Variants in PPM1B observed in about 807,000 individuals in gnomAD.
PPM1B encodes protein phosphatase 1B.
In PPM1B, 22 loss-of-function variants were observed where a neutral mutation model predicts 43.0. The ratio of observed to expected loss-of-function variants is 0.51; its 90% confidence interval spans 0.37 to 0.73. The LOEUF is 0.73. Ranked by LOEUF, PPM1B falls within the 30% of genes least tolerant of loss-of-function variation. PPM1B has a pLI of 0.00. For synonymous variants in PPM1B, 217 were observed against 197.9 expected, an observed-to-expected ratio of 1.10 and a Z score of -0.81; for missense variants, 632 against 584.2, an observed-to-expected ratio of 1.08 and a Z score of -0.84.
At chr2:44,245,859 GCTTC>G (rs1440120316), downstream of PPM1B, among the ~76,000 whole-genome samples, 2 of 152,326 alleles carry the variant, frequency 1.3e-5, no homozygotes, top group African/African-American at 4.8e-5. Flanking sequence ...GAAACCTTGA[GCTTC>G]CTTCCTTCAG....
At chr2:44,244,640 C>T (rs1004807131), downstream of PPM1B, among the ~76,000 whole-genome samples, 3 of 151,882 alleles carry the variant, frequency 2.0e-5, no homozygotes, top group East Asian at 3.9e-4. Flanking sequence ...GACCGTCTTC[C>T]GACTGGTTTT....
intron 1 of PPM1B, among the ~76,000 whole-genome samples, chr2:44,181,544 TGATGCTAAAATTAG>T (rs1375201434): frequency 1.3e-4 from 20 of 152,196 alleles, no homozygotes; most frequent in African/African-American, 4.8e-4. Flanking sequence ...CATTATGTGA[TGATGCTAAAATTAG>T]GATGGTAGGG....
Position 44,177,380 on chromosome 2 carries a change from C to CTGGAG in PPM1B, c.-15+8109_-15+8113dup, listed in dbSNP as rs369271041. 3.7e-3 allele frequency among the ~76,000 whole-genome samples: 534 copies of CTGGAG among 145,638 alleles called. 2 individuals carry two copies. Among genetic ancestry groups the CTGGAG allele is most frequent in the African/African-American group, 0.013 (515 of 39,182 alleles). On this transcript the variant is annotated intron_variant, in intron 1 of 5. Coordinates refer to ENST00000282412, the MANE Select transcript of PPM1B (RefSeq NM_002706.6). ...TTGAGTTTGTTTCTATTCATCTGTTCTGGAGTGTTTGGAATTGCAATGTGA... is the reference window on the plus strand; with the variant it reads ...TTGAGTTTGTTTCTATTCATCTGTTCTGGAGTGGAGTGTTTGGAATTGCAATGTGA...
At chr2:44,230,047 G>T (rs1469302444) in intron 5 of PPM1B, 1 of 1,572,172 alleles carries the variant, frequency 6.4e-7, no homozygotes. Flanking sequence ...TTTTCCTACT[G>T]CTTTAAACAT....
intron 1 of PPM1B, among the ~76,000 whole-genome samples, chr2:44,171,699 G>A (rs1572673774): frequency 1.3e-5 from 2 of 151,914 alleles, no homozygotes; most frequent in South Asian, 2.1e-4. Context: ...GTGCGGTGGC[G>A]CGTGCTTGTA....
At chr2:44,220,155 G>T (rs1669907553) in intron 5 of PPM1B, among the ~76,000 whole-genome samples, 1 of 151,862 alleles carries the variant, frequency 6.6e-6, no homozygotes, top group South Asian at 2.1e-4. Flanking sequence ...TTGATTAGAG[G>T]AAATAAGCCC....
At chr2:44,195,401 A>G (rs1006557868) in intron 1 of PPM1B, among the ~76,000 whole-genome samples, 5 of 151,848 alleles carry the variant, frequency 3.3e-5, no homozygotes, top group Admixed American at 6.6e-5. Flanking sequence ...TGGTAGAGAT[A>G]GGGTCTTGCT....
Position 44,170,423 on chromosome 2 carries a change from A to G in PPM1B, c.-15+1149A>G, listed in dbSNP as rs112239389. On this transcript the variant is annotated intron_variant, in intron 1 of 5. Coordinates refer to ENST00000282412, the MANE Select transcript of PPM1B (RefSeq NM_002706.6). ...TTAGTGTTATGTAGCTATTTTAGGA[A>G]AAACATTCTTTTTCTGTTAACAAAC... 1.8e-3 allele frequency among the ~76,000 whole-genome samples: 271 copies of G among 152,358 alleles called. 1 individual carries two copies. Among genetic ancestry groups the G allele is most frequent in the African/African-American group, 6.1e-3 (255 of 41,582 alleles).
At chr2:44,215,047 A>T (rs1669658760) in intron 3 of PPM1B, among the ~76,000 whole-genome samples, 1 of 152,210 alleles carries the variant, frequency 6.6e-6, no homozygotes, top group East Asian at 1.9e-4. Context: ...CATAGTTAGT[A>T]ACTTTCTAAA....
intron 1 of PPM1B, among the ~76,000 whole-genome samples, chr2:44,170,987 T>A (rs952001122): frequency 6.6e-6 from 1 of 152,200 alleles, no homozygotes; most frequent in African/African-American, 2.4e-5. Flanking sequence ...TTTCGCCTCT[T>A]CATTTGTTTT....
intron 1 of PPM1B, among the ~76,000 whole-genome samples, chr2:44,196,933 A>AT (rs1421331836): frequency 6.6e-6 from 1 of 152,068 alleles, no homozygotes; most frequent in African/African-American, 2.4e-5. Flanking sequence ...AGGTGGAGAG[A>AT]TTTTCCATAG....
In PPM1B at chr2:44,240,579, A is replaced by T. The variant is rs371373974; in HGVS notation, n.1547-3649A>T. Among the ~76,000 whole-genome samples, 594 of 87,360 alleles carry T rather than the reference A, an allele frequency of 6.8e-3. 38 individuals are homozygous for T. The highest frequency in any genetic ancestry group is 0.027 in the African/African-American group (407 of 14,980). The allele number at this position is 87,360 out of a possible 152,430, so 57.3% of individuals were successfully genotyped here. On this transcript the variant is annotated intron_variant and non_coding_transcript_variant, in intron 5 of 5. Coordinates refer to the PPM1B transcript ENST00000378540. ...TGTTGCATTAAAATATCTAAAATTT[A>T]AAAAAAAATTTATCTTGATTACTTG...
At chr2:44,216,476 C>T (rs1425092554) in intron 3 of PPM1B, among the ~76,000 whole-genome samples, 2 of 152,096 alleles carry the variant, frequency 1.3e-5, no homozygotes, top group East Asian at 1.9e-4. Context: ...AGCTTGCAGT[C>T]TATGACCCAA....
chr2:44,175,699 G>C (rs909789906), intron 1 of PPM1B, among the ~76,000 whole-genome samples: 1 of 152,020 alleles, frequency 6.6e-6, no homozygotes. Flanking sequence ...AGGAAAGGAA[G>C]AGGTTTTCTG....
downstream of PPM1B, among the ~76,000 whole-genome samples, chr2:44,238,710 GA>G (rs200252877): frequency 1.1e-3 from 160 of 139,374 alleles, no homozygotes; most frequent in East Asian, 8.9e-3. Flanking sequence ...TCAAAAAAAG[GA>G]AAAAAAAAAA....
chr2:44,243,226 C>T (rs1670788653), intron 5 of PPM1B, among the ~76,000 whole-genome samples: 3 of 152,158 alleles, frequency 2.0e-5, no homozygotes, highest in South Asian at 4.2e-4. Context: ...TATAAGAGAG[C>T]TCTCCTTGGT....
At chr2:44,195,830 A>G (rs1181349543) in intron 1 of PPM1B, among the ~76,000 whole-genome samples, 7 of 152,318 alleles carry the variant, frequency 4.6e-5, no homozygotes, top group Non-Finnish European at 1.0e-4. Context: ...GGGTCAGAAA[A>G]TACCATGTAG....
intron 2 of PPM1B, among the ~76,000 whole-genome samples, chr2:44,202,979 A>C (rs979278601): frequency 2.0e-5 from 3 of 152,184 alleles, no homozygotes; most frequent in African/African-American, 7.2e-5. Flanking sequence ...CTTTAGTTAC[A>C]TGAAATAAAT....
intron 2 of PPM1B, among the ~76,000 whole-genome samples, chr2:44,205,525 C>G (rs1669149669): frequency 6.6e-6 from 1 of 152,068 alleles, no homozygotes; most frequent in South Asian, 2.1e-4. Flanking sequence ...TCTCATCTCA[C>G]TTAGGGAACC....
Sources: gnomAD v4.1 joint callset for allele counts (sites outside exome capture counted in the v4.1 genomes callset) on GRCh38, gnomAD v4.1.1 for gene constraint, MANE v1.5 for transcripts, NCBI Gene and HGNC (gene_info 2026-07-23, HGNC 2026-07-21) for gene names.